Variants in UTP4 observed in about 807,000 individuals in gnomAD.
The protein encoded by UTP4 is UTP4 small subunit processome component, also known as U3 small nucleolar RNA-associated protein 4 homolog.
In UTP4, 45 loss-of-function variants were observed where a neutral mutation model predicts 82.4. That is an observed-to-expected ratio of 0.55 (90% CI 0.43 to 0.70). UTP4 has a LOEUF of 0.70. Ranked by LOEUF, UTP4 falls within the 30% of genes least tolerant of loss-of-function variation. The pLI is 0.00. For missense variants in UTP4, 819 were observed against 858.3 expected, an observed-to-expected ratio of 0.95 and a Z score of 0.57; for synonymous variants, 348 against 300.3, an observed-to-expected ratio of 1.16 and a Z score of -1.64.
At chr16:69,162,204 T>A (rs1963581498) in intron 13 of UTP4, among the ~76,000 whole-genome samples, 1 of 150,606 alleles carries the variant, frequency 6.6e-6, no homozygotes, top group South Asian at 2.1e-4. Flanking sequence ...CCTGACCTCG[T>A]GATCCGCCTG....
chr16:69,137,683 T>C, intron 3 of UTP4, 118 bp from the exon 4 acceptor site: 2 of 690,388 alleles, frequency 2.9e-6, no homozygotes, highest in South Asian at 3.2e-5. Context: ...CGGCAACTGA[T>C]AGCTTTAAGG....
intron 9 of UTP4, among the ~76,000 whole-genome samples, chr16:69,153,895 C>G (rs553690827): frequency 1.3e-5 from 2 of 152,152 alleles, no homozygotes; most frequent in South Asian, 4.2e-4. Context: ...GTTTATGGCT[C>G]TAGGTGGTGC....
intron 5 of UTP4, among the ~76,000 whole-genome samples, chr16:69,141,761 C>T (rs1394178046): frequency 4.0e-5 from 6 of 150,620 alleles, no homozygotes; most frequent in African/African-American, 1.5e-4. Context: ...TCTTTTTTTT[C>T]GTGAATCTTC....
rs929439436 is a variant in UTP4 at position 69,156,146 on chromosome 16, C to A, written c.1287+153C>A. Among the ~76,000 whole-genome samples the A allele has an allele frequency of 7.1e-4, 96 of 136,136 alleles. 1 individual carries two copies. The South Asian group carries it at 0.011, about 16-fold the overall frequency. 89.3% of individuals were successfully genotyped at this position (136,136 alleles called of 152,430 possible). A position where few individuals can be genotyped will look rare whatever the true frequency, so the allele number is the denominator to read the frequency against. ...GCTGTTATGAAACAGTGTTTTATTT[C>A]TTTCTTTCTTTTTTTTTTTTTTTTT... On this transcript the variant is annotated intron_variant, in intron 11 of 16. Transcript: ENST00000314423.
At chr16:69,149,686 C>T (rs1963208961) in intron 6 of UTP4, among the ~76,000 whole-genome samples, 1 of 152,152 alleles carries the variant, frequency 6.6e-6, no homozygotes, top group African/African-American at 2.4e-5. Flanking sequence ...GCTGCTCTGC[C>T]CACCTTGTTT....
chr16:69,160,259 A>T, intron 12 of UTP4, 97 bp from the exon 13 acceptor site: 1 of 897,278 alleles, frequency 1.1e-6, no homozygotes. Context: ...GTGATTTAAA[A>T]CTCTAATGGT....
chr16:69,166,333 A>G (rs1182257803), intron 15 of UTP4: 1 of 153,014 alleles, frequency 6.5e-6, no homozygotes, highest in East Asian at 1.9e-4. Context: ...CACTGGAATC[A>G]TCTCGTGGGC....
Position 69,136,813 on chromosome 16 carries a change from A to G in UTP4, c.277A>G (p.Ile93Val), listed in dbSNP as rs1221780259. 6.2e-7 allele frequency: 1 copy of G among 1,614,082 alleles called. No individual in the cohort carries two copies. Among genetic ancestry groups the G allele is most frequent in the East Asian group, 2.2e-5 (1 of 44,900 alleles). The change falls in exon 3 of 17, where the codon ATC (isoleucine) becomes GTC (valine). Residue 93 changes from isoleucine to valine, a missense_variant. By Grantham distance (29) the Ile-to-Val change is conservative. Coordinates refer to ENST00000314423, the MANE Select transcript of UTP4 (RefSeq NM_032830.3). Reference sequence around the variant, plus strand: ...GGAGTATGATTTACAGGCGTTAAACATCAAGTATGCTATGGATGCCTTTGG... The same window carrying G: ...GGAGTATGATTTACAGGCGTTAAACGTCAAGTATGCTATGGATGCCTTTGG... ...IMEYDLQALN[I>V]KYAMDAFGGP...
At chr16:69,138,071 C>T (rs1406877573) in intron 4 of UTP4, 186 bp downstream of exon 4, 2 of 584,668 alleles carry the variant, frequency 3.4e-6, no homozygotes, top group Non-Finnish European at 6.1e-6. Context: ...GTTGTGACTG[C>T]TTGGTTAAGT....
chr16:69,150,690 A>G lies in UTP4; in HGVS notation c.892A>G (p.Thr298Ala), dbSNP rs1040900046. Residue 298 changes from threonine to alanine, a missense_variant, in exon 7 of 17, where the codon ACA becomes GCA. Physicochemically the swap from Thr to Ala is moderately conservative, Grantham distance 58. Coordinates refer to ENST00000314423, the MANE Select transcript of UTP4 (RefSeq NM_032830.3). ...HDVRTVAHSP[T>A]ALISGGTDTH... ...CGTGCGCACTGTGGCCCACAGCCCA[A>G]CAGCGCTGATATCTGGAGGTGGGTT... 16 of 1,614,188 alleles carry G rather than the reference A, an allele frequency of 9.9e-6. No individual in the cohort carries two copies. The highest frequency in any genetic ancestry group is 1.3e-5 in the Non-Finnish European group (15 of 1,180,036).
rs1963244284 is a variant in UTP4 at position 69,150,884 on chromosome 16, C to T, written c.982C>T (p.Arg328Ter). 9 of 1,613,770 alleles carry T rather than the reference C, an allele frequency of 5.6e-6. No individual in the cohort carries two copies. Among genetic ancestry groups the T allele is most frequent in the South Asian group, 1.1e-5 (1 of 91,060 alleles). ...VEVKNYDAALRKITFPHRCLI... is the reference protein window; with the variant it reads ...VEVKNYDAAL Reference sequence around the variant, plus strand: ...AGTAAAGAATTACGATGCCGCTCTCCGAAAAATCACCTTTCCCCACGTAAG... The same window carrying T: ...AGTAAAGAATTACGATGCCGCTCTCTGAAAAATCACCTTTCCCCACGTAAG... The change falls in exon 8 of 17, where the codon CGA becomes TGA. Residue 328 changes from arginine (R) to a stop codon, truncating the protein, a stop_gained. Coordinates refer to ENST00000314423, the MANE Select transcript of UTP4 (RefSeq NM_032830.3). LOFTEE classifies it high-confidence loss of function.
intron 5 of UTP4, among the ~76,000 whole-genome samples, chr16:69,142,621 C>T (rs1194820940): frequency 6.6e-6 from 1 of 152,134 alleles, no homozygotes; most frequent in African/African-American, 2.4e-5. Context: ...GGCTTCTTGG[C>T]TTTCCTCTCT....
chr16:69,157,628 T>G (rs1458737202), intron 12 of UTP4, among the ~76,000 whole-genome samples: 1 of 152,182 alleles, frequency 6.6e-6, no homozygotes, highest in Non-Finnish European at 1.5e-5. Flanking sequence ...GCATGTTGCC[T>G]TTTTTGGTTG....
At chr16:69,148,910 C>G (rs909305476) in intron 6 of UTP4, among the ~76,000 whole-genome samples, 1 of 152,104 alleles carries the variant, frequency 6.6e-6, no homozygotes, top group South Asian at 2.1e-4. Context: ...CATTACTACT[C>G]TTGTTTGGGT....
intron 16 of UTP4, among the ~76,000 whole-genome samples, chr16:69,168,320 CA>C (rs1963752122): frequency 1.3e-5 from 2 of 151,630 alleles, no homozygotes; most frequent in South Asian, 4.2e-4. Context: ...CCTGTAGTCC[CA>C]GCTACCCGGG....
chr16:69,150,890 A>G lies in UTP4; in HGVS notation c.988A>G (p.Ile330Val). ...VKNYDAALRKITFPHRCLISC... is the reference protein window; with the variant it reads ...VKNYDAALRKVTFPHRCLISC... ...GAATTACGATGCCGCTCTCCGAAAA[A>G]TCACCTTTCCCCACGTAAGTGTCCA... Residue 330 changes from isoleucine to valine, a missense_variant, in exon 8 of 17, where the codon ATC becomes GTC. Transcript: ENST00000314423. 6.2e-7 allele frequency: 1 copy of G among 1,613,466 alleles called. No homozygotes were observed. Among genetic ancestry groups the G allele is most frequent in the Non-Finnish European group, 8.5e-7 (1 of 1,179,772 alleles).
At chr16:69,164,136 G>A (rs891758840) in intron 14 of UTP4, among the ~76,000 whole-genome samples, 5 of 151,724 alleles carry the variant, frequency 3.3e-5, no homozygotes, top group East Asian at 1.9e-4. Context: ...CGCCCGCCTC[G>A]GCCTCCCAAA....
chr16:69,163,564 C>T (rs1185733921), intron 14 of UTP4, among the ~76,000 whole-genome samples: 1 of 151,978 alleles, frequency 6.6e-6, no homozygotes, highest in African/African-American at 2.4e-5. Flanking sequence ...CACCTTTACG[C>T]TTGCCGATGA....
chr16:69,165,955 G>C (rs1275986375), intron 15 of UTP4: 4 of 316,488 alleles, frequency 1.3e-5, no homozygotes, highest in Non-Finnish European at 1.8e-5. Flanking sequence ...CTGAGGTTTT[G>C]ACCTCTGTGC....
Sources: gnomAD v4.1 joint callset for allele counts (sites outside exome capture counted in the v4.1 genomes callset) on GRCh38, gnomAD v4.1.1 for gene constraint, MANE v1.5 for transcripts, NCBI Gene and HGNC (gene_info 2026-07-23, HGNC 2026-07-21) for gene names.